ATRAID: variants seen among roughly 807,000 people sequenced by gnomAD.
ATRAID encodes all-trans retinoic acid induced differentiation factor, also known as all-trans retinoic acid-induced differentiation factor.
In ATRAID, 26 loss-of-function variants were observed where a neutral mutation model predicts 28.8. The observed-to-expected ratio is 0.90, with a 90% CI of 0.66 to 1.25. ATRAID has a LOEUF of 1.25. ATRAID is among the 50% of genes most tolerant of loss of function. The pLI is 0.00. For missense variants in ATRAID, 308 were observed against 285.9 expected (o/e 1.08, Z -0.56); for synonymous variants, 131 against 108.5 (o/e 1.21, Z -1.29).
At chr2:27,216,320 G>A in intron 5 of ATRAID, 1 of 567,254 alleles carries the variant, frequency 1.8e-6, no homozygotes, top group Non-Finnish European at 3.2e-6. Flanking sequence ...CCATCTGGAT[G>A]TATACGTGCA....
intron 2 of ATRAID, among the ~76,000 whole-genome samples, chr2:27,214,809 G>A (rs1674760482): frequency 6.6e-6 from 1 of 152,236 alleles, no homozygotes; most frequent in African/African-American, 2.4e-5. Context: ...CCGAGATCGT[G>A]CCACTGCACT....
chr2:27,212,349 G>C lies in ATRAID; in HGVS notation c.-20G>C, dbSNP rs1572408101. 6.5e-7 allele frequency: 1 copy of C among 1,550,074 alleles called. No homozygotes were observed. The highest frequency in any genetic ancestry group is 2.4e-5 in the East Asian group (1 of 40,978). On this transcript the variant is annotated 5_prime_UTR_variant, in exon 1 of 7. Coordinates refer to ENST00000380171, the MANE Select transcript of ATRAID (RefSeq NM_001170795.4). ...GCGGGGCCGGGTCGCGCGAGCAGCG[G>C]AGCACCAAGGGAACGGAAAATGGCG... is the stretch of plus-strand genomic sequence containing the variant.
intron 2 of ATRAID, among the ~76,000 whole-genome samples, chr2:27,213,979 CTT>C (rs927526936): frequency 6.6e-6 from 1 of 152,156 alleles, no homozygotes; most frequent in Non-Finnish European, 1.5e-5. Flanking sequence ...GAGTTTCACT[CTT>C]GTTGCCCAGG....
downstream of ATRAID, chr2:27,217,176 T>C (rs963011155): frequency 5.7e-6 from 3 of 529,462 alleles, no homozygotes; most frequent in Admixed American, 3.8e-5. Flanking sequence ...TCTTTCTTTT[T>C]AAGGAAAGGC....
At chr2:27,215,604 T>G (rs1674792540) in intron 4 of ATRAID, 28 bp from the exon 5 acceptor site, 1 of 1,614,186 alleles carries the variant, frequency 6.2e-7, no homozygotes, top group African/African-American at 1.3e-5. Context: ...TTAGCAACTT[T>G]GCATGTTATG....
chr2:27,216,315 T>C (rs1674828813), intron 5 of ATRAID: 6 of 559,498 alleles, frequency 1.1e-5, no homozygotes, highest in South Asian at 2.0e-5. Flanking sequence ...TCAGACCATC[T>C]GGATGTATAC....
At chr2:27,213,741 A>G (rs1674712571) in intron 2 of ATRAID, among the ~76,000 whole-genome samples, 2 of 152,112 alleles carry the variant, frequency 1.3e-5, no homozygotes, top group Admixed American at 6.5e-5. Context: ...ATTATTTCCA[A>G]TTACTTGTCC....
Position 27,215,655 on chromosome 2 carries a change from G to C in ATRAID, c.389G>C (p.Cys130Ser). 3 of 1,614,226 alleles carry C rather than the reference G, an allele frequency of 1.9e-6. No homozygotes were observed. Among genetic ancestry groups the C allele is most frequent in the Non-Finnish European group, 2.5e-6 (3 of 1,180,044 alleles). The change falls in exon 5 of 7, where the codon TGT becomes TCT. Residue 130 changes from cysteine to serine, a missense_variant. Coordinates refer to ENST00000380171, the MANE Select transcript of ATRAID (RefSeq NM_001170795.4). ...QTLILPQHVN[C>S]PGGINAWNTI... ...AGGATACTGCCACAACATGTCAACTGTCCTGGAGGAATTAATGCCTGGAAT... is the reference window on the plus strand; with the variant it reads ...AGGATACTGCCACAACATGTCAACTCTCCTGGAGGAATTAATGCCTGGAAT...
chr2:27,215,724 A>G lies in ATRAID; in HGVS notation c.458A>G (p.Lys153Arg), dbSNP rs779575892. 2.5e-6 allele frequency: 4 copies of G among 1,614,130 alleles called. No individual in the cohort carries two copies. The East Asian group carries it at 8.9e-5, about 36-fold the overall frequency. ...GACAACCAAATCTGTCAAGGGCAAA[A>G]GAACCTTTGCAATAACACTGGGGAC... ...YIDNQICQGQ[K>R]NLCNNTGDPE... Residue 153 changes from lysine to arginine, a missense_variant, in exon 5 of 7, where the codon AAG becomes AGG. Transcript: ENST00000380171.
chr2:27,215,717 G>A lies in ATRAID; in HGVS notation c.451G>A (p.Gly151Arg). 3 of 1,614,162 alleles carry A rather than the reference G, an allele frequency of 1.9e-6. No individual in the cohort carries two copies. Among genetic ancestry groups the A allele is most frequent in the Non-Finnish European group, 2.5e-6 (3 of 1,180,028 alleles). ...TTATATAGACAACCAAATCTGTCAA[G>A]GGCAAAAGAACCTTTGCAATAACAC... ...TSYIDNQICQ[G>R]QKNLCNNTGD... The change falls in exon 5 of 7, where the codon GGG (glycine) becomes AGG (arginine). Residue 151 changes from glycine to arginine, a missense_variant. Physicochemically the swap from Gly to Arg is moderately radical, Grantham distance 125. Coordinates refer to ENST00000380171, the MANE Select transcript of ATRAID (RefSeq NM_001170795.4).
At chr2:27,215,266 C>A (rs937894899) in intron 2 of ATRAID, 55 bp from the exon 3 acceptor site, 1 of 1,557,060 alleles carries the variant, frequency 6.4e-7, no homozygotes, top group Non-Finnish European at 8.9e-7. Flanking sequence ...CAAACTGTGC[C>A]GTGGCTGAAG....
Position 27,217,128 on chromosome 2 carries a change from G to T in ATRAID, c.*180G>T. The T allele has an allele frequency of 1.8e-6, 1 of 557,232 alleles. No individual in the cohort carries two copies. 34.5% of individuals were successfully genotyped at this position (557,232 alleles called of 1,614,324 possible). A position where few individuals can be genotyped will look rare whatever the true frequency, so the allele number is the denominator to read the frequency against. On this transcript the variant is annotated 3_prime_UTR_variant, in exon 7 of 7. Coordinates refer to ENST00000380171, the MANE Select transcript of ATRAID (RefSeq NM_001170795.4). ...ACAAATACCAGTTCCCATTGGTGTTGTTGCCTATAATAAACACTTTTTTCT... is the reference window on the plus strand; with the variant it reads ...ACAAATACCAGTTCCCATTGGTGTTTTTGCCTATAATAAACACTTTTTTCT...
intron 2 of ATRAID, among the ~76,000 whole-genome samples, chr2:27,214,348 A>C (rs1297486129): frequency 6.6e-6 from 1 of 152,206 alleles, no homozygotes; most frequent in Non-Finnish European, 1.5e-5. Context: ...CATGATCCTT[A>C]ATGTCCAGCA....
rs1674780452 is a variant in ATRAID at position 27,215,370 on chromosome 2, C to G, written c.271C>G (p.Gln91Glu). ...SLEDPGPNFH[Q>E]AHTTVIIDLQ... ...GGAGGACCCTGGTCCAAACTTTCATCAGGCACATACCACTGTCATCATGTA... is the reference window on the plus strand; with the variant it reads ...GGAGGACCCTGGTCCAAACTTTCATGAGGCACATACCACTGTCATCATGTA... Residue 91 changes from glutamine (Q) to glutamate (E), a missense_variant, in exon 3 of 7, where the codon CAG becomes GAG. Transcript: ENST00000380171. 9.3e-6 allele frequency: 15 copies of G among 1,614,220 alleles called. No individual in the cohort carries two copies. The highest frequency in any genetic ancestry group is 1.3e-5 in the Non-Finnish European group (15 of 1,180,036).
chr2:27,215,108 ATTAAT>A (rs1674769651), intron 2 of ATRAID, among the ~76,000 whole-genome samples: 1 of 152,102 alleles, frequency 6.6e-6, no homozygotes, highest in Admixed American at 6.6e-5. Context: ...CCTAAGGTAC[ATTAAT>A]TTAAATTTAA....
chr2:27,217,078 GA>G lies in ATRAID; in HGVS notation c.*135del. ...AAGGTTGAGGCCGCCATTGGAAGATGAAAAATTGCACTCCCTTGGTGTAGAC... is the reference window on the plus strand; with the variant it reads ...AAGGTTGAGGCCGCCATTGGAAGATGAAAATTGCACTCCCTTGGTGTAGAC... On this transcript the variant is annotated 3_prime_UTR_variant, in exon 7 of 7. Transcript: ENST00000380171. 1 of 717,750 alleles carries G rather than the reference GA, an allele frequency of 1.4e-6. No homozygotes were observed. Among genetic ancestry groups the G allele is most frequent in the Non-Finnish European group, 2.3e-6 (1 of 442,212 alleles). 44.5% of individuals were successfully genotyped at this position (717,750 alleles called of 1,614,324 possible).
chr2:27,213,383 C>T (rs891919287), intron 2 of ATRAID, 85 bp downstream of exon 2: 6 of 1,494,112 alleles, frequency 4.0e-6, no homozygotes, highest in African/African-American at 2.8e-5. Context: ...TTAAAGAATC[C>T]ACCTATTATG....
intron 2 of ATRAID, among the ~76,000 whole-genome samples, chr2:27,213,819 C>G (rs745851061): frequency 3.3e-5 from 5 of 152,226 alleles, no homozygotes; most frequent in Non-Finnish European, 1.5e-5. Flanking sequence ...CACCTTTGTT[C>G]AGGCCTCTCT....
Position 27,216,574 on chromosome 2 carries a change from AGT to A in ATRAID, c.544_545del (p.Val182LeufsTer3), listed in dbSNP as rs780689355. On this transcript the variant is annotated frameshift_variant, in exon 6 of 7. Coordinates refer to ENST00000380171, the MANE Select transcript of ATRAID (RefSeq NM_001170795.4). LOFTEE classifies it high-confidence loss of function. ...GTACCTGATGGTCCAGGTCTTTTGCAGTGTGTTTGTGCTGATGGTTTCCATGG... is the reference window on the plus strand; with the variant it reads ...GTACCTGATGGTCCAGGTCTTTTGCAGTGTTTGTGCTGATGGTTTCCATGG... The A allele has an allele frequency of 1.7e-5, 28 of 1,614,012 alleles. No homozygotes were observed. In the Admixed American group the frequency reaches 2.7e-4, roughly 15 times the overall value.
Sources: gnomAD v4.1 joint callset for allele counts (sites outside exome capture counted in the v4.1 genomes callset) on GRCh38, gnomAD v4.1.1 for gene constraint, MANE v1.5 for transcripts, NCBI Gene and HGNC (gene_info 2026-07-23, HGNC 2026-07-21) for gene names.